The following NKAIN2 variants were observed in gnomAD, a reference collection of about 807,000 sequenced individuals.
NKAIN2 encodes the protein sodium/potassium transporting ATPase interacting 2, also known as sodium/potassium-transporting ATPase subunit beta-1-interacting protein 2.
A neutral mutation model predicts 32.6 loss-of-function variants in NKAIN2; 14 were observed. That is an observed-to-expected ratio of 0.43 (90% confidence interval 0.28 to 0.67). NKAIN2 has a LOEUF of 0.67. Among genes scored for constraint, NKAIN2 ranks in the 30% least tolerant of loss-of-function variants. NKAIN2 has a pLI of 0.17. For missense variants in NKAIN2, 198 were observed against 258.3 expected (o/e 0.77, Z 1.60); for synonymous variants, 80 against 87.2 (o/e 0.92, Z 0.46).
chr6:123,903,339 A>C (rs988354527), intron 1 of NKAIN2, among the ~76,000 whole-genome samples: 4 of 152,148 alleles, frequency 2.6e-5, no homozygotes, highest in Non-Finnish European at 5.9e-5. Context: ...CTTGGTTTTA[A>C]ATTCCTACCA....
chr6:124,332,252 G>C (rs559443896), intron 2 of NKAIN2, among the ~76,000 whole-genome samples: 1,657 of 151,626 alleles, frequency 0.011, 32 homozygotes, highest in African/African-American at 0.037. Flanking sequence ...CACACAGAGA[G>C]AGAGAGAGAG....
chr6:124,486,462 A>T (rs1438992396), intron 3 of NKAIN2, among the ~76,000 whole-genome samples: 1 of 152,078 alleles, frequency 6.6e-6, no homozygotes, highest in Non-Finnish European at 1.5e-5. Context: ...TCTGTGTATT[A>T]TTCTGTATTT....
rs1258600959 is a variant in NKAIN2, at chr6:124,571,273, A to T, written c.274-86913A>T. On this transcript the variant is annotated intron_variant, in intron 3 of 6. Coordinates refer to ENST00000368417, the MANE Select transcript of NKAIN2 (RefSeq NM_001040214.3). ...TTTTGGGTTAGTGCTGAAATAAGTTAAGACTTTGGGGGACTGTTGGGAAGG... is the reference window on the plus strand; with the variant it reads ...TTTTGGGTTAGTGCTGAAATAAGTTTAGACTTTGGGGGACTGTTGGGAAGG... 3.3e-5 allele frequency among the ~76,000 whole-genome samples: 5 copies of T among 152,236 alleles called. No individual in the cohort carries two copies. In the East Asian group the frequency reaches 9.7e-4, roughly 29 times the overall value.
intron 1 of NKAIN2, among the ~76,000 whole-genome samples, chr6:124,213,002 C>T (rs541581609): frequency 3.3e-5 from 5 of 152,212 alleles, no homozygotes; most frequent in South Asian, 4.1e-4. Flanking sequence ...TTGCATATTT[C>T]TTTGCTTTTA....
intron 1 of NKAIN2, among the ~76,000 whole-genome samples, chr6:123,864,869 A>G (rs1775922663): frequency 6.6e-6 from 1 of 152,232 alleles, no homozygotes; most frequent in Non-Finnish European, 1.5e-5. Flanking sequence ...TATTTAGAAC[A>G]ATTAGCAAAA....
chr6:124,489,714 C>G (rs1452679871), intron 3 of NKAIN2, among the ~76,000 whole-genome samples: 2 of 151,840 alleles, frequency 1.3e-5, no homozygotes. Flanking sequence ...TTTGCACCAT[C>G]ATGAAGTTGA....
chr6:124,698,699 A>G (rs1169399696), intron 4 of NKAIN2, among the ~76,000 whole-genome samples: 1 of 152,090 alleles, frequency 6.6e-6, no homozygotes, highest in East Asian at 1.9e-4. Flanking sequence ...TAATTTATGT[A>G]TTGTGTTTTT....
At position 124,068,859 on chromosome 6, in the gene NKAIN2, G is replaced by A. The variant is rs532214037; in HGVS notation, c.55-214146G>A. 3.9e-5 allele frequency among the ~76,000 whole-genome samples: 6 copies of A among 152,114 alleles called. No individual in the cohort carries two copies. The South Asian group carries it at 1.2e-3, about 32-fold the overall frequency. On this transcript the variant is annotated intron_variant, in intron 1 of 6. Coordinates refer to ENST00000368417, the MANE Select transcript of NKAIN2 (RefSeq NM_001040214.3). Reference sequence around the variant, plus strand: ...AAGAAAAGAAGTCCTTTCCCAAGAAGGGGCCTTCTGAGAGATGAGGAGTGG... The same window carrying A: ...AAGAAAAGAAGTCCTTTCCCAAGAAAGGGCCTTCTGAGAGATGAGGAGTGG...
intron 1 of NKAIN2, among the ~76,000 whole-genome samples, chr6:124,046,144 G>A (rs917277152): frequency 6.6e-6 from 1 of 151,854 alleles, no homozygotes; most frequent in African/African-American, 2.4e-5. Flanking sequence ...GCCATTGTGG[G>A]TTTATATCTG....
At chr6:123,825,795 A>G (rs1774122054) in intron 1 of NKAIN2, among the ~76,000 whole-genome samples, 1 of 152,114 alleles carries the variant, frequency 6.6e-6, no homozygotes, top group East Asian at 1.9e-4. Flanking sequence ...AAAAACAATG[A>G]TAAAAACCCT....
At chr6:124,620,430 C>A (rs1284655639) in intron 3 of NKAIN2, among the ~76,000 whole-genome samples, 1 of 152,178 alleles carries the variant, frequency 6.6e-6, no homozygotes, top group Non-Finnish European at 1.5e-5. Context: ...ATGAACACAG[C>A]TATTCAATGG....
At chr6:124,578,778 G>C (rs1294126858) in intron 3 of NKAIN2, among the ~76,000 whole-genome samples, 1 of 152,076 alleles carries the variant, frequency 6.6e-6, no homozygotes, top group Non-Finnish European at 1.5e-5. Flanking sequence ...CTGGCTTCAG[G>C]TCTGACCCAG....
chr6:124,309,334 C>A (rs1796627652), intron 2 of NKAIN2, among the ~76,000 whole-genome samples: 1 of 151,990 alleles, frequency 6.6e-6, no homozygotes, highest in South Asian at 2.1e-4. Context: ...TGAAGGAAAT[C>A]ACACCAAAAG....
intron 3 of NKAIN2, among the ~76,000 whole-genome samples, chr6:124,531,573 G>C (rs187862084): frequency 1.5e-3 from 225 of 152,224 alleles, no homozygotes; most frequent in Non-Finnish European, 2.4e-3. Context: ...AATGAATTTG[G>C]AAGTATTCTC....
intron 2 of NKAIN2, among the ~76,000 whole-genome samples, chr6:124,296,086 G>T (rs572345602): frequency 1.6e-4 from 25 of 151,696 alleles, no homozygotes; most frequent in African/African-American, 6.0e-4. Flanking sequence ...TTTAAATAAT[G>T]TATAATTCCT....
At chr6:124,382,553 C>A (rs548257957) in intron 3 of NKAIN2, among the ~76,000 whole-genome samples, 1 of 152,124 alleles carries the variant, frequency 6.6e-6, no homozygotes, top group Non-Finnish European at 1.5e-5. Context: ...TCCTCTAATT[C>A]TCTGCCAGAT....
chr6:124,469,088 C>G (rs1446208946), intron 3 of NKAIN2, among the ~76,000 whole-genome samples: 1 of 152,170 alleles, frequency 6.6e-6, no homozygotes, highest in African/African-American at 2.4e-5. Context: ...GTGAATGGTG[C>G]CCCTGGAATT....
chr6:124,634,415 C>G (rs1054456163), intron 3 of NKAIN2, among the ~76,000 whole-genome samples: 1 of 151,928 alleles, frequency 6.6e-6, no homozygotes, highest in African/African-American at 2.4e-5. Context: ...TAATAAAAAA[C>G]CAAACAGAAA....
chr6:124,352,975 TAGAA>T (rs1798797627), intron 2 of NKAIN2, among the ~76,000 whole-genome samples: 1 of 152,206 alleles, frequency 6.6e-6, no homozygotes, highest in Non-Finnish European at 1.5e-5. Context: ...CCAACTCCTT[TAGAA>T]AACAGTTTTG....
Sources: gnomAD v4.1 joint callset for allele counts (sites outside exome capture counted in the v4.1 genomes callset) on GRCh38, gnomAD v4.1.1 for gene constraint, MANE v1.5 for transcripts, NCBI Gene and HGNC (gene_info 2026-07-23, HGNC 2026-07-21) for gene names.